Variants in HERC1 observed in about 807,000 individuals in gnomAD.
HERC1 encodes the protein probable E3 ubiquitin-protein ligase HERC1.
A neutral mutation model predicts 554.3 loss-of-function variants in HERC1; 160 were observed. That is an observed-to-expected ratio of 0.29 (90% confidence interval 0.25 to 0.33). The LOEUF (loss-of-function observed/expected upper bound fraction) is 0.33, where lower values mean the gene tolerates loss of function less well. Ranked by LOEUF, HERC1 falls within the 10% of genes least tolerant of loss-of-function variation. HERC1 has a pLI of 1.00. For missense variants in HERC1, 4,919 were observed against 5,918.5 expected (o/e 0.83, Z 5.54); for synonymous variants, 2,175 against 2,131.7 (o/e 1.02, Z -0.56).
At chr15:63,686,617 C>A in intron 33 of HERC1, 82 bp from the exon 34 acceptor site, 1 of 1,169,082 alleles carries the variant, frequency 8.6e-7, no homozygotes, top group South Asian at 1.5e-5. Flanking sequence ...TTGGTTTTAT[C>A]CTACAAATAT....
intron 18 of HERC1, among the ~76,000 whole-genome samples, chr15:63,724,203 TAG>T (rs1212866505): frequency 2.6e-5 from 4 of 152,180 alleles, no homozygotes; most frequent in Admixed American, 6.5e-5. Flanking sequence ...AGGGTAGAGA[TAG>T]AGATACTTTT....
chr15:63,649,970 A>G lies in HERC1; in HGVS notation c.10547-45T>C, dbSNP rs908758760. The G allele has an allele frequency of 2.1e-6, 3 of 1,407,810 alleles. No individual in the cohort carries two copies. In the African/African-American group the frequency reaches 4.3e-5, roughly 20 times the overall value. 87.2% of individuals were successfully genotyped at this position (1,407,810 alleles called of 1,614,324 possible). ...AACTAGTTTTTACTTAATTCTTAAAAAGAAAAAAAGGAACAGAAACAAATA... is the reference window on the plus strand; with the variant it reads ...AACTAGTTTTTACTTAATTCTTAAAGAGAAAAAAAGGAACAGAAACAAATA... On this transcript the variant is annotated intron_variant, in intron 53 of 77. Coordinates refer to ENST00000443617, the MANE Select transcript of HERC1 (RefSeq NM_003922.4).
intron 48 of HERC1, among the ~76,000 whole-genome samples, chr15:63,657,568 T>C (rs780854513): frequency 2.0e-4 from 30 of 152,168 alleles, no homozygotes; most frequent in Non-Finnish European, 4.1e-4. Flanking sequence ...TCCCATTCTA[T>C]GGCTTGCTTT....
chr15:63,723,289 T>A lies in HERC1; in HGVS notation c.3635A>T (p.Tyr1212Phe), dbSNP rs1441475684. 3 of 1,597,858 alleles carry A rather than the reference T, an allele frequency of 1.9e-6. No homozygotes were observed. Among genetic ancestry groups the A allele is most frequent in the African/African-American group, 2.7e-5 (2 of 74,772 alleles). The change falls in exon 19 of 78, where the codon TAT becomes TTT. Residue 1212 changes from tyrosine (Y) to phenylalanine (F), a missense_variant. Coordinates refer to ENST00000443617, the MANE Select transcript of HERC1 (RefSeq NM_003922.4). Reference protein sequence around the residue: ...SGNEEQKPFDYKLRPEIAVYV... With the variant: ...SGNEEQKPFDFKLRPEIAVYV... The stretch of plus-strand genomic sequence containing the variant: ...GACAGCAATTTCAGGCCGCAATTTA[T>A]AATCAAAAGGCTTCTGTTCTTCATT...
At chr15:63,629,142 G>T (rs1395328695) in intron 69 of HERC1, among the ~76,000 whole-genome samples, 1 of 152,026 alleles carries the variant, frequency 6.6e-6, no homozygotes, top group Non-Finnish European at 1.5e-5. Flanking sequence ...TAGAGATGGG[G>T]TTTCACCATC....
In HERC1 at chr15:63,750,156, C is replaced by G. The variant is rs146113378; in HGVS notation, c.1903-365G>C. On this transcript the variant is annotated intron_variant, in intron 8 of 77. Transcript: ENST00000443617. ...TCTCCTTTATGTGTTTCTCACTATT[C>G]CGGTGAGATTTAAGATTAGAACAAG... Among the ~76,000 whole-genome samples, 294 of 152,204 alleles carry G rather than the reference C, an allele frequency of 1.9e-3. 1 individual carries two copies. The highest frequency in any genetic ancestry group is 6.8e-3 in the African/African-American group (281 of 41,514).
At chr15:63,654,907 T>C (rs1486600801) in intron 50 of HERC1, among the ~76,000 whole-genome samples, 2 of 152,040 alleles carry the variant, frequency 1.3e-5, no homozygotes, top group Non-Finnish European at 1.5e-5. Flanking sequence ...ATCAATAGTC[T>C]TTGCTCCAAG....
At chr15:63,669,300 T>C (rs895488552) in intron 40 of HERC1, among the ~76,000 whole-genome samples, 2 of 152,188 alleles carry the variant, frequency 1.3e-5, no homozygotes, top group Admixed American at 6.5e-5. Flanking sequence ...AATGGCTATA[T>C]TGGGAAAAAT....
Position 63,658,699 on chromosome 15 carries a change from T to C in HERC1, c.9444A>G (p.Glu3148=), listed in dbSNP as rs1566981227. The C allele has an allele frequency of 1.2e-6, 2 of 1,612,232 alleles. No homozygotes were observed. The highest frequency in any genetic ancestry group is 1.1e-5 in the South Asian group (1 of 90,904). The change falls in exon 48 of 78, where the codon GAA becomes GAG. Residue 3148 remains glutamate, a synonymous_variant. Coordinates refer to ENST00000443617, the MANE Select transcript of HERC1 (RefSeq NM_003922.4). The stretch of plus-strand genomic sequence containing the variant: ...ACGTTATTCTCCCAGAGGAGCTCTT[T>C]TCTACGGAGCCATGGCAACCTGAAA... ...LMQIGCHGSV[E]KSSSGRITLG...
chr15:63,807,294 G>C (rs193193587), intron 1 of HERC1, among the ~76,000 whole-genome samples: 66 of 152,138 alleles, frequency 4.3e-4, no homozygotes, highest in African/African-American at 1.5e-3. Context: ...CAGTTGCATT[G>C]GGCCATTGAG....
At chr15:63,610,604 T>C (rs1030351895) in intron 77 of HERC1, among the ~76,000 whole-genome samples, 1 of 152,116 alleles carries the variant, frequency 6.6e-6, no homozygotes, top group Non-Finnish European at 1.5e-5. Flanking sequence ...ATGCAGAAAA[T>C]TTATGGAAAG....
intron 61 of HERC1, 69 bp downstream of exon 61, chr15:63,640,083 G>A: frequency 9.8e-6 from 14 of 1,426,138 alleles, no homozygotes; most frequent in Non-Finnish European, 1.4e-5. Flanking sequence ...CTTATTAGGG[G>A]TCTGCTACAT....
At chr15:63,811,040 T>C (rs1381767290) in intron 1 of HERC1, among the ~76,000 whole-genome samples, 1 of 152,040 alleles carries the variant, frequency 6.6e-6, no homozygotes, top group East Asian at 1.9e-4. Flanking sequence ...AAAAAAAGGC[T>C]GGGGTTTACT....
intron 34 of HERC1, among the ~76,000 whole-genome samples, chr15:63,685,624 C>T (rs1171500706): frequency 6.6e-6 from 1 of 152,178 alleles, no homozygotes; most frequent in Non-Finnish European, 1.5e-5. Context: ...TCTAGGACCC[C>T]TAAAAGGCAT....
chr15:63,807,999 A>G (rs1390893424), intron 1 of HERC1, among the ~76,000 whole-genome samples: 3 of 151,920 alleles, frequency 2.0e-5, no homozygotes, highest in Admixed American at 1.3e-4. Context: ...ATTAGTTGTT[A>G]CCCTATATGG....
At chr15:63,615,946 T>G (rs1189205900) in intron 75 of HERC1, 26 bp from the exon 76 acceptor site, 2 of 1,550,458 alleles carry the variant, frequency 1.3e-6, no homozygotes, top group Admixed American at 2.2e-5. Context: ...AACAGAATTT[T>G]TATTACATGG....
At chr15:63,729,750 C>T (rs1051104897) in intron 14 of HERC1, 101 bp from the exon 15 acceptor site, 36 of 1,124,668 alleles carry the variant, frequency 3.2e-5, no homozygotes, top group East Asian at 1.0e-4. Context: ...GGGCTGGGTG[C>T]GGTGACTCAC....
At chr15:63,832,686 G>A (rs8042418) in intron 1 of HERC1, among the ~76,000 whole-genome samples, 123,536 of 152,136 alleles carry the variant, frequency 0.81, 52,001 homozygotes, top group Non-Finnish European at 0.87. Flanking sequence ...AAAGGGCCCA[G>A]TGAAAAAGAT....
intron 74 of HERC1, among the ~76,000 whole-genome samples, chr15:63,617,638 G>A (rs548269484): frequency 6.6e-6 from 1 of 152,262 alleles, no homozygotes; most frequent in East Asian, 1.9e-4. Context: ...GTGTAAAAGT[G>A]TTCCTATTTC....
Sources: gnomAD v4.1 joint callset for allele counts (sites outside exome capture counted in the v4.1 genomes callset) on GRCh38, gnomAD v4.1.1 for gene constraint, MANE v1.5 for transcripts, NCBI Gene and HGNC (gene_info 2026-07-23, HGNC 2026-07-21) for gene names.